The following PHKB variants were observed in gnomAD, a reference collection of about 807,000 sequenced individuals.
PHKB encodes the protein phosphorylase kinase regulatory subunit beta.
In PHKB, 122 loss-of-function variants were observed where a neutral mutation model predicts 152.1. The ratio of observed to expected loss-of-function variants is 0.80; its 90% CI spans 0.69 to 0.93. The LOEUF (loss-of-function observed/expected upper bound fraction) is 0.93, where lower values mean the gene tolerates loss of function less well. Among genes scored for constraint, PHKB ranks in the 40% least tolerant of loss-of-function variants. The pLI is 0.00. For missense variants in PHKB, 1,304 were observed against 1,328.4 expected (o/e 0.98, Z 0.29); for synonymous variants, 436 against 464.9 (o/e 0.94, Z 0.80).
rs542678258 is a variant in PHKB, at chr16:47,630,247, C to G, written c.1459-10788C>G. Among the ~76,000 whole-genome samples, 3 of 151,996 alleles carry G rather than the reference C, an allele frequency of 2.0e-5. No homozygotes were observed. The East Asian group carries it at 5.8e-4, about 29-fold the overall frequency. On this transcript the variant is annotated intron_variant, in intron 14 of 30. Transcript: ENST00000323584. ...CTGTAATCGTAGCACTTTGGGAGGC[C>G]GAGGTGGGCAGATCACCTGAGGTCA... is the stretch of plus-strand genomic sequence containing the variant.
Position 47,610,879 on chromosome 16 carries a change from C to T in PHKB, c.1417C>T (p.Leu473=). The T allele has an allele frequency of 6.2e-7, 1 of 1,607,772 alleles. No homozygotes were observed. Among genetic ancestry groups the T allele is most frequent in the South Asian group, 1.1e-5 (1 of 90,972 alleles). The part of the protein sequence containing the change: ...DIDPVQRYVP[L]KDQRNVSMRF... Reference sequence around the variant, plus strand: ...TGATCCTGTCCAGCGCTATGTCCCACTAAAGGATCAACGTAACGTGAGCAT... The same window carrying T: ...TGATCCTGTCCAGCGCTATGTCCCATTAAAGGATCAACGTAACGTGAGCAT... Residue 473 remains leucine (L), a synonymous_variant, in exon 14 of 31, where the codon CTA becomes TTA. Coordinates refer to ENST00000323584, the MANE Select transcript of PHKB (RefSeq NM_000293.3).
intron 10 of PHKB, 49 bp downstream of exon 10, chr16:47,589,151 A>G (rs1327594234): frequency 7.2e-7 from 1 of 1,395,182 alleles, no homozygotes; most frequent in African/African-American, 1.4e-5. Flanking sequence ...AATCAAAAGC[A>G]CAGATTCAGG....
At chr16:47,698,713 A>G in intron 30 of PHKB, 125 bp downstream of exon 30, 1 of 804,398 alleles carries the variant, frequency 1.2e-6, no homozygotes, top group South Asian at 1.8e-5. Context: ...AAAATAGGAT[A>G]CTTGAGGGGC....
At chr16:47,642,247 A>G (rs1290297247) in intron 16 of PHKB, among the ~76,000 whole-genome samples, 3 of 152,044 alleles carry the variant, frequency 2.0e-5, no homozygotes, top group African/African-American at 7.2e-5. Flanking sequence ...AGTAATTTCA[A>G]CCTCTTTGGT....
chr16:47,569,910 A>G (rs992346683), intron 7 of PHKB, among the ~76,000 whole-genome samples: 4 of 152,240 alleles, frequency 2.6e-5, no homozygotes, highest in African/African-American at 9.6e-5. Context: ...GGCATGAGCC[A>G]CCATGCCTGG....
intron 1 of PHKB, chr16:47,463,587 T>C (rs1172358386): frequency 3.2e-6 from 1 of 308,554 alleles, no homozygotes; most frequent in Non-Finnish European, 6.2e-6. Flanking sequence ...TATAGAGTCC[T>C]CCCCACAGAG....
chr16:47,675,488 CACACACACACGT>C (rs1973711305), intron 26 of PHKB: 1 of 150,184 alleles, frequency 6.7e-6, no homozygotes, highest in Admixed American at 6.7e-5. Context: ...TCTCCCAACA[CACACACACACGT>C]ACACACACAC....
At chr16:47,692,707 A>G (rs1027699667) in intron 27 of PHKB, among the ~76,000 whole-genome samples, 2 of 149,792 alleles carry the variant, frequency 1.3e-5, no homozygotes, top group Non-Finnish European at 3.0e-5. Context: ...TGAATGATGT[A>G]TTGTATCTTT....
chr16:47,650,281 A>G (rs1310684744), intron 18 of PHKB, among the ~76,000 whole-genome samples: 1 of 152,166 alleles, frequency 6.6e-6, no homozygotes, highest in Non-Finnish European at 1.5e-5. Context: ...AGAGGGGGAA[A>G]ACACATTAAA....
In PHKB at chr16:47,661,788, A is replaced by T. The variant is rs1272612708; in HGVS notation, c.2266A>T (p.Ile756Phe). The change falls in exon 23 of 31, where the codon ATC becomes TTC. Residue 756 changes from isoleucine (I) to phenylalanine (F), a missense_variant. By Grantham distance (21) the Ile-to-Phe change is conservative. Transcript: ENST00000323584. The stretch of plus-strand genomic sequence containing the variant: ...GCTCAAAAGAGAAGGCCCCAACTTC[A>T]TCACAAAGGAAGGTAAGCATGCATG... ...ILLKREGPNF[I>F]TKEGTVSDHI... 2 of 1,611,490 alleles carry T rather than the reference A, an allele frequency of 1.2e-6. No individual in the cohort carries two copies. Among genetic ancestry groups the T allele is most frequent in the Non-Finnish European group, 1.7e-6 (2 of 1,177,726 alleles).
intron 5 of PHKB, among the ~76,000 whole-genome samples, chr16:47,513,787 C>T (rs1355802437): frequency 6.6e-6 from 1 of 152,178 alleles, no homozygotes; most frequent in African/African-American, 2.4e-5. Context: ...CTTACAGTTT[C>T]CTGGCTGAAA....
At chr16:47,605,728 C>T (rs1972310807) in intron 13 of PHKB, among the ~76,000 whole-genome samples, 1 of 150,480 alleles carries the variant, frequency 6.6e-6, no homozygotes, top group South Asian at 2.1e-4. Context: ...TTTTTTTTTT[C>T]AGAGAGAAAG....
At chr16:47,550,213 T>A (rs1399938185) in intron 7 of PHKB, among the ~76,000 whole-genome samples, 1 of 152,184 alleles carries the variant, frequency 6.6e-6, no homozygotes, top group South Asian at 2.1e-4. Flanking sequence ...GAGGTAGTGA[T>A]GGCTGTGGTA....
At chr16:47,613,356 T>C (rs1972461222) in intron 14 of PHKB, among the ~76,000 whole-genome samples, 1 of 152,206 alleles carries the variant, frequency 6.6e-6, no homozygotes, top group Non-Finnish European at 1.5e-5. Flanking sequence ...TGTCAACACA[T>C]GCATAGTGTT....
chr16:47,616,000 G>A (rs1442375905), intron 14 of PHKB, among the ~76,000 whole-genome samples: 1 of 152,058 alleles, frequency 6.6e-6, no homozygotes, highest in Non-Finnish European at 1.5e-5. Context: ...AGAACATTTG[G>A]AACTATTCAG....
chr16:47,527,783 G>T (rs781453750), intron 6 of PHKB, among the ~76,000 whole-genome samples: 1 of 152,164 alleles, frequency 6.6e-6, no homozygotes, highest in East Asian at 1.9e-4. Flanking sequence ...TCTGACTGGT[G>T]TCCTCATAAG....
At chr16:47,563,894 A>C (rs1247258302) in intron 7 of PHKB, among the ~76,000 whole-genome samples, 34 of 151,960 alleles carry the variant, frequency 2.2e-4, no homozygotes, top group Admixed American at 2.2e-3. Context: ...CCCACTTGCA[A>C]GGGAGAAGAT....
At chr16:47,697,708 TAGG>T (rs1215538611) in intron 29 of PHKB, among the ~76,000 whole-genome samples, 1 of 152,144 alleles carries the variant, frequency 6.6e-6, no homozygotes, top group Admixed American at 6.5e-5. Context: ...GTGTACAAAT[TAGG>T]AGCCATAAAC....
intron 6 of PHKB, among the ~76,000 whole-genome samples, chr16:47,536,127 T>C (rs535745372): frequency 2.2e-4 from 34 of 152,218 alleles, no homozygotes; most frequent in Non-Finnish European, 4.7e-4. Context: ...TCTCGGCTCA[T>C]AGCAACCTCC....
Sources: gnomAD v4.1 joint callset for allele counts (sites outside exome capture counted in the v4.1 genomes callset) on GRCh38, gnomAD v4.1.1 for gene constraint, MANE v1.5 for transcripts, NCBI Gene and HGNC (gene_info 2026-07-23, HGNC 2026-07-21) for gene names.